THSD7A: variants seen among roughly 807,000 people sequenced by gnomAD.
THSD7A encodes thrombospondin type-1 domain-containing protein 7A.
Under a neutral mutation model 231.3 loss-of-function variants are expected in THSD7A, and 96 were observed. The ratio of observed to expected loss-of-function variants is 0.41; its 90% CI spans 0.35 to 0.49. The LOEUF is 0.49. THSD7A is among the 20% of genes least tolerant of loss of function. THSD7A has a pLI of 0.05. For missense variants in THSD7A, 2,290 were observed against 2,070.2 expected, an observed-to-expected ratio of 1.11 and a Z score of -2.06; for synonymous variants, 940 against 743.3, an observed-to-expected ratio of 1.26 and a Z score of -4.30.
At chr7:11,765,536 A>G (rs1291873787) in intron 1 of THSD7A, among the ~76,000 whole-genome samples, 1 of 152,186 alleles carries the variant, frequency 6.6e-6, no homozygotes, top group Non-Finnish European at 1.5e-5. Flanking sequence ...AATAGTTAAA[A>G]TATATATGGT....
At chr7:11,645,167 TAGTTA>T (rs1259321669) in intron 1 of THSD7A, among the ~76,000 whole-genome samples, 1 of 151,940 alleles carries the variant, frequency 6.6e-6, no homozygotes, top group Admixed American at 6.6e-5. Flanking sequence ...ACTGTTATTT[TAGTTA>T]AATCTTCATT....
intron 4 of THSD7A, among the ~76,000 whole-genome samples, chr7:11,545,963 A>G (rs1359616519): frequency 6.6e-6 from 1 of 152,038 alleles, no homozygotes; most frequent in African/African-American, 2.4e-5. Context: ...AGCACCCCCT[A>G]TCTTCCAGCC....
At chr7:11,745,680 A>G (rs1443122151) in intron 1 of THSD7A, among the ~76,000 whole-genome samples, 1 of 152,100 alleles carries the variant, frequency 6.6e-6, no homozygotes, top group South Asian at 2.1e-4. Flanking sequence ...CAGTTTTCCC[A>G]GCACCATTTA....
chr7:11,742,609 T>A (rs1032056976), intron 1 of THSD7A, among the ~76,000 whole-genome samples: 8 of 151,912 alleles, frequency 5.3e-5, no homozygotes, highest in African/African-American at 1.9e-4. Flanking sequence ...GAAATTCTCA[T>A]AAAAAATTCA....
At chr7:11,745,089 T>A (rs2128162485) in intron 1 of THSD7A, among the ~76,000 whole-genome samples, 1 of 152,140 alleles carries the variant, frequency 6.6e-6, no homozygotes, top group South Asian at 2.1e-4. Flanking sequence ...TTTCTCCACA[T>A]CCTCTCCAGC....
chr7:11,521,193 G>A (rs1392691428), intron 6 of THSD7A, among the ~76,000 whole-genome samples: 1 of 150,272 alleles, frequency 6.7e-6, no homozygotes, highest in African/African-American at 2.5e-5. Context: ...TACATACTAA[G>A]ACAAATACAG....
intron 4 of THSD7A, among the ~76,000 whole-genome samples, chr7:11,589,126 T>G (rs1287017948): frequency 6.6e-6 from 1 of 152,218 alleles, no homozygotes; most frequent in Non-Finnish European, 1.5e-5. Context: ...CTGATCCTTT[T>G]TGCTCATATT....
chr7:11,514,757 T>C (rs1427531535), intron 6 of THSD7A, among the ~76,000 whole-genome samples: 2 of 152,208 alleles, frequency 1.3e-5, no homozygotes, highest in Admixed American at 1.3e-4. Context: ...GTGTGCTTAC[T>C]TTATTAGTTG....
chr7:11,373,493 G>T lies in THSD7A; in HGVS notation c.*2301C>A, dbSNP rs903692363. The T allele has an allele frequency of 2.6e-5, 4 of 151,794 alleles. No individual in the cohort carries two copies. Among genetic ancestry groups the T allele is most frequent in the African/African-American group, 9.7e-5 (4 of 41,382 alleles). 9.4% of individuals were successfully genotyped at this position (151,794 alleles called of 1,614,324 possible). On this transcript the variant is annotated 3_prime_UTR_variant, in exon 28 of 28. Transcript: ENST00000423059. ...CCTCTTTAATAAAACAGATAAAATGGACTTTGTTTTTATGGTTTTCTTTGT... is the reference window on the plus strand; with the variant it reads ...CCTCTTTAATAAAACAGATAAAATGTACTTTGTTTTTATGGTTTTCTTTGT...
At position 11,803,693 on chromosome 7, in the gene THSD7A, G is replaced by A. The variant is rs139935706; in HGVS notation, c.190+28064C>T. Among the ~76,000 whole-genome samples, 1,027 of 152,196 alleles carry A rather than the reference G, an allele frequency of 6.7e-3. 14 individuals are homozygous for A. The highest frequency in any genetic ancestry group is 0.024 in the African/African-American group (980 of 41,546). On this transcript the variant is annotated intron_variant, in intron 1 of 27. Coordinates refer to ENST00000423059, the MANE Select transcript of THSD7A (RefSeq NM_015204.3). ...TGTTAACATAAACTATGGTAACAGCGGAATCTTTAATTCTATGTATTGTTT... is the reference window on the plus strand; with the variant it reads ...TGTTAACATAAACTATGGTAACAGCAGAATCTTTAATTCTATGTATTGTTT...
At chr7:11,726,684 G>A (rs969904750) in intron 1 of THSD7A, among the ~76,000 whole-genome samples, 21 of 151,980 alleles carry the variant, frequency 1.4e-4, no homozygotes, top group Admixed American at 1.1e-3. Flanking sequence ...AATTTGGGCC[G>A]ACATTTTTTC....
intron 11 of THSD7A, among the ~76,000 whole-genome samples, chr7:11,455,399 C>T (rs1337981340): frequency 2.0e-5 from 3 of 151,980 alleles, no homozygotes; most frequent in Non-Finnish European, 4.4e-5. Context: ...ACTTGATGAA[C>T]TTAAAGAAAA....
intron 4 of THSD7A, among the ~76,000 whole-genome samples, chr7:11,587,670 C>T (rs555878113): frequency 2.2e-4 from 34 of 152,004 alleles, no homozygotes; most frequent in Non-Finnish European, 3.7e-4. Context: ...GTATTAACTC[C>T]GAGGATAAGA....
At chr7:11,603,645 T>G (rs1431676493) in intron 2 of THSD7A, among the ~76,000 whole-genome samples, 10 of 151,488 alleles carry the variant, frequency 6.6e-5, no homozygotes, top group East Asian at 1.9e-4. Context: ...CCAACAATGA[T>G]AGACTGGATT....
intron 11 of THSD7A, among the ~76,000 whole-genome samples, chr7:11,452,326 C>T (rs775285545): frequency 1.3e-5 from 2 of 151,882 alleles, no homozygotes; most frequent in African/African-American, 4.8e-5. Flanking sequence ...ATAAATAATC[C>T]AAGAGGGCTC....
intron 4 of THSD7A, among the ~76,000 whole-genome samples, chr7:11,550,891 G>A (rs1789600318): frequency 6.6e-6 from 1 of 151,956 alleles, no homozygotes; most frequent in South Asian, 2.1e-4. Context: ...AATAGCCAAA[G>A]CAACCCTAAG....
chr7:11,766,275 G>C (rs956124517), intron 1 of THSD7A, among the ~76,000 whole-genome samples: 5 of 152,170 alleles, frequency 3.3e-5, no homozygotes, highest in Non-Finnish European at 5.9e-5. Flanking sequence ...GCCAGCATCA[G>C]TTGCAGCAAA....
chr7:11,791,121 C>A (rs1449842399), intron 1 of THSD7A, among the ~76,000 whole-genome samples: 6 of 151,974 alleles, frequency 3.9e-5, no homozygotes, highest in African/African-American at 1.4e-4. Flanking sequence ...ACTTCAATTT[C>A]TGTGGAGAAG....
Position 11,429,110 on chromosome 7 carries a change from G to A in THSD7A, c.3080C>T (p.Ala1027Val). The change falls in exon 14 of 28, where the codon GCC (alanine) becomes GTC (valine). Residue 1027 changes from alanine (A) to valine (V), a missense_variant. Ala to Val is a moderately conservative substitution (Grantham distance 64). Coordinates refer to ENST00000423059, the MANE Select transcript of THSD7A (RefSeq NM_015204.3). ...GTCTGAGGGGCAGGGGATGATGCAG[G>A]CCTCCTCAATGTAACCTGAGTAGAG... ...RCNSHGYIEE[A>V]CIIPCPSDCK... is the part of the protein sequence containing the mutation. The A allele has an allele frequency of 6.3e-7, 1 of 1,597,652 alleles. No homozygotes were observed. The highest frequency in any genetic ancestry group is 8.5e-7 in the Non-Finnish European group (1 of 1,174,340).
Sources: allele counts gnomAD v4.1 joint callset (sites outside exome capture counted in the v4.1 genomes callset), GRCh38; gene constraint gnomAD v4.1.1; transcripts MANE v1.5; gene names NCBI Gene and HGNC (gene_info 2026-07-23, HGNC 2026-07-21).